The following NOS1AP variants were observed in gnomAD, a reference collection of about 807,000 sequenced individuals.
NOS1AP encodes the protein nitric oxide synthase 1 adaptor protein.
In NOS1AP, 21 loss-of-function variants were observed where a neutral mutation model predicts 56.2. The observed-to-expected ratio is 0.37, with a 90% CI of 0.26 to 0.54. The LOEUF is 0.54. NOS1AP is among the 20% of genes least tolerant of loss of function. The pLI is 0.84. For synonymous variants in NOS1AP, 270 were observed against 274.6 expected, an observed-to-expected ratio of 0.98 and a Z score of 0.17; for missense variants, 522 against 657.8, an observed-to-expected ratio of 0.79 and a Z score of 2.26.
chr1:162,111,540 A>G (rs753681681), intron 1 of NOS1AP, among the ~76,000 whole-genome samples: 4 of 152,218 alleles, frequency 2.6e-5, no homozygotes, highest in Non-Finnish European at 4.4e-5. Context: ...GTCTCAAAAC[A>G]GTAGGACAGG....
chr1:162,306,740 C>T (rs1655842562), intron 4 of NOS1AP, among the ~76,000 whole-genome samples: 1 of 152,200 alleles, frequency 6.6e-6, no homozygotes, highest in Admixed American at 6.5e-5. Flanking sequence ...AGTTCAAGAC[C>T]ATCCTGGTCA....
intron 2 of NOS1AP, among the ~76,000 whole-genome samples, chr1:162,213,247 C>G (rs1652433126): frequency 6.6e-6 from 1 of 152,224 alleles, no homozygotes; most frequent in Non-Finnish European, 1.5e-5. Context: ...CCCAGCAACT[C>G]TCATCCACAA....
chr1:162,148,390 T>C (rs1444610190), intron 1 of NOS1AP, among the ~76,000 whole-genome samples: 3 of 152,188 alleles, frequency 2.0e-5, no homozygotes, highest in Non-Finnish European at 4.4e-5. Context: ...CATGGAGGTA[T>C]GGGAGTCCTC....
Position 162,367,761 on chromosome 1 carries a change from A to T in NOS1AP, c.*294A>T, listed in dbSNP as rs1316213216. 1 of 392,664 alleles carries T rather than the reference A, an allele frequency of 2.5e-6. No individual in the cohort carries two copies. Among genetic ancestry groups the T allele is most frequent in the Non-Finnish European group, 4.6e-6 (1 of 215,946 alleles). The allele number at this position is 392,664 out of a possible 1,614,324, so 24.3% of individuals were successfully genotyped here. ...GAGAGGGTCTCTCTCCAGGACTGCC[A>T]GGCTGCTGGAGGACCTGCCCCTACC... On this transcript the variant is annotated 3_prime_UTR_variant, in exon 10 of 10. Transcript: ENST00000361897. The surrounding 1 kb of genome is among the most constrained non-coding windows in gnomAD (Gnocchi z 6.5).
chr1:162,221,534 G>A (rs5007818), intron 2 of NOS1AP, among the ~76,000 whole-genome samples: 8,708 of 73,350 alleles, frequency 0.12, 487 homozygotes, highest in African/African-American at 0.17. Flanking sequence ...ACACACGCGC[G>A]CACACACACA....
chr1:162,126,237 A>G (rs1648482247), intron 1 of NOS1AP, among the ~76,000 whole-genome samples: 2 of 152,072 alleles, frequency 1.3e-5, no homozygotes, highest in Admixed American at 6.6e-5. Context: ...ATGTAGTTTA[A>G]CTTCTTCTTT....
intron 6 of NOS1AP, among the ~76,000 whole-genome samples, chr1:162,345,387 A>G (rs1215363189): frequency 7.1e-6 from 1 of 141,784 alleles, no homozygotes; most frequent in African/African-American, 2.6e-5. Context: ...ATTCCCACCT[A>G]TGAGTGAGAA....
chr1:162,349,832 G>A (rs1286740167), intron 6 of NOS1AP, among the ~76,000 whole-genome samples: 1 of 152,196 alleles, frequency 6.6e-6, no homozygotes, highest in Non-Finnish European at 1.5e-5. Flanking sequence ...TTATTGTGTA[G>A]TGCCGAGGCC....
At chr1:162,350,379 C>T (rs1276134022) in intron 6 of NOS1AP, among the ~76,000 whole-genome samples, 2 of 152,228 alleles carry the variant, frequency 1.3e-5, no homozygotes, top group Admixed American at 1.3e-4. Context: ...CCTGTTCTTA[C>T]TACTGTTCCC....
chr1:162,216,012 T>G (rs987804244), intron 2 of NOS1AP, among the ~76,000 whole-genome samples: 1 of 152,226 alleles, frequency 6.6e-6, no homozygotes, highest in South Asian at 2.1e-4. Flanking sequence ...TTCACCCGTT[T>G]GTGGGATGGC....
chr1:162,195,754 G>A (rs1335765656), intron 2 of NOS1AP, among the ~76,000 whole-genome samples: 4 of 151,670 alleles, frequency 2.6e-5, no homozygotes, highest in Non-Finnish European at 5.9e-5. Context: ...CTTCTATGAC[G>A]CATACCCTAA....
chr1:162,083,489 C>T (rs181905690), intron 1 of NOS1AP, among the ~76,000 whole-genome samples: 57 of 152,254 alleles, frequency 3.7e-4, no homozygotes, highest in African/African-American at 1.3e-3. Context: ...AATCCTCCTG[C>T]CCTGGCCTCC....
At chr1:162,168,292 C>T (rs1017279676) in intron 2 of NOS1AP, among the ~76,000 whole-genome samples, 2 of 152,230 alleles carry the variant, frequency 1.3e-5, no homozygotes, top group Non-Finnish European at 2.9e-5. Context: ...CTGCAGAGTA[C>T]TGCTGTGACC....
intron 6 of NOS1AP, among the ~76,000 whole-genome samples, chr1:162,354,760 G>C (rs1657641143): frequency 6.6e-6 from 1 of 152,210 alleles, no homozygotes; most frequent in African/African-American, 2.4e-5. Flanking sequence ...ATGGCCCAGA[G>C]AGTGAGGGGA....
intron 2 of NOS1AP, among the ~76,000 whole-genome samples, chr1:162,231,467 G>A (rs1485238225): frequency 2.0e-5 from 3 of 151,906 alleles, no homozygotes; most frequent in Non-Finnish European, 2.9e-5. Context: ...TTGCACAGGC[G>A]TTTTACATTT....
chr1:162,149,466 C>T (rs1649618628), intron 1 of NOS1AP, among the ~76,000 whole-genome samples: 1 of 152,202 alleles, frequency 6.6e-6, no homozygotes, highest in African/African-American at 2.4e-5. Context: ...AAGATGAAGA[C>T]TCAGGGACAG....
intron 2 of NOS1AP, among the ~76,000 whole-genome samples, chr1:162,156,392 A>G (rs914912783): frequency 6.6e-6 from 1 of 152,184 alleles, no homozygotes; most frequent in Non-Finnish European, 1.5e-5. Context: ...ACTCAGTCTC[A>G]TGAGAACATG....
intron 2 of NOS1AP, among the ~76,000 whole-genome samples, chr1:162,185,872 C>A (rs923455759): frequency 6.6e-6 from 1 of 152,156 alleles, no homozygotes; most frequent in African/African-American, 2.4e-5. Flanking sequence ...CCTCTGGAAT[C>A]ATATTTTAAT....
rs148056561 is a variant in NOS1AP at position 162,078,838 on chromosome 1, A to C, written c.105+8556A>C. Among the ~76,000 whole-genome samples, 125 of 152,214 alleles carry C rather than the reference A, an allele frequency of 8.2e-4. 1 individual carries two copies. The East Asian group carries it at 0.023, about 27-fold the overall frequency. On this transcript the variant is annotated intron_variant, in intron 1 of 9. Transcript: ENST00000361897. ...CACTGCAGTTTCCCACCCCGTTCAC[A>C]AGTCACTCTGTGAAGTGGATGTTAC...
Sources: gnomAD v4.1 joint callset for allele counts (sites outside exome capture counted in the v4.1 genomes callset) on GRCh38, gnomAD v4.1.1 for gene constraint, Gnocchi (gnomAD v3.1) non-coding constraint, MANE v1.5 for transcripts, NCBI Gene and HGNC (gene_info 2026-07-23, HGNC 2026-07-21) for gene names.